Variants in MKNK2 observed in about 807,000 individuals in gnomAD.
MKNK2 encodes MAP kinase-interacting serine/threonine-protein kinase 2.
A neutral mutation model predicts 55.0 loss-of-function variants in MKNK2; 54 were observed. The ratio of observed to expected loss-of-function variants is 0.98; its 90% confidence interval spans 0.79 to 1.23. The LOEUF is 1.23. Ranked by LOEUF, MKNK2 falls within the 50% of genes most tolerant of loss-of-function variation. The pLI, the probability that MKNK2 is intolerant of heterozygous loss-of-function variation, is 0.00. For synonymous variants in MKNK2, 323 were observed against 256.0 expected (o/e 1.26, Z -2.50); for missense variants, 685 against 632.1 (o/e 1.08, Z -0.90).
chr19:2,041,831 C>A lies in MKNK2; in HGVS notation c.945+9G>T. The A allele has an allele frequency of 6.6e-7, 1 of 1,508,038 alleles. No individual in the cohort carries two copies. Among genetic ancestry groups the A allele is most frequent in the Non-Finnish European group, 8.9e-7 (1 of 1,128,544 alleles). 93.4% of individuals were successfully genotyped at this position (1,508,038 alleles called of 1,614,324 possible). A position where few individuals can be genotyped will look rare whatever the true frequency, so the allele number is the denominator to read the frequency against. On this transcript the variant is annotated intron_variant, in intron 11 of 13. Transcript: ENST00000250896. ...TGCCCAGGAGAGGAGGGTGCGCGGG[C>A]CGCCGCACCTGGCAGGCAGGGCAGG...
At chr19:2,045,466 T>A (rs924004610) in intron 5 of MKNK2, among the ~76,000 whole-genome samples, 1 of 152,108 alleles carries the variant, frequency 6.6e-6, no homozygotes, top group African/African-American at 2.4e-5. Context: ...CCCTGCCTGC[T>A]GCCACTGTGG....
chr19:2,040,184 C>T lies in MKNK2; in HGVS notation c.1111-7G>A, dbSNP rs779262800. ...AGGTGTTCTCCGGGGCGCACTGCAA[C>T]GAGAGTGGGCGGGGGCAGGGCTGGA... is the stretch of plus-strand genomic sequence containing the variant. On this transcript the variant is annotated splice_polypyrimidine_tract_variant and splice_region_variant and intron_variant, in intron 12 of 13. Transcript: ENST00000250896. 15 of 1,573,068 alleles carry T rather than the reference C, an allele frequency of 9.5e-6. No homozygotes were observed. The Admixed American group carries it at 1.2e-4, about 12-fold the overall frequency.
chr19:2,050,453 G>A (rs536157261), intron 2 of MKNK2, among the ~76,000 whole-genome samples: 37 of 152,372 alleles, frequency 2.4e-4, no homozygotes, highest in African/African-American at 8.2e-4. Flanking sequence ...CAGCGACTGG[G>A]ACAGGACTGC....
At chr19:2,047,891 C>T (rs2017032608) in intron 2 of MKNK2, among the ~76,000 whole-genome samples, 1 of 152,132 alleles carries the variant, frequency 6.6e-6, no homozygotes, top group African/African-American at 2.4e-5. Context: ...CCGCCCATGT[C>T]CCGCAGCTGC....
rs909323876 is a variant in MKNK2 at position 2,042,023 on chromosome 19, C to T, written c.762G>A (p.Ala254=). The change falls in exon 11 of 14, where the codon GCG becomes GCA. Residue 254 remains alanine (A), a synonymous_variant. Coordinates refer to ENST00000250896, the MANE Select transcript of MKNK2 (RefSeq NM_199054.3). ...CCACTACCTCCGGGGCCATGTACTC[C>T]GCCGAGCCGCACTGCGGGCGGGGGA... The part of the protein sequence containing the change: ...TPELLTPCGS[A]EYMAPEVVEA... The T allele has an allele frequency of 6.6e-7, 1 of 1,503,804 alleles. No homozygotes were observed. The highest frequency in any genetic ancestry group is 8.9e-7 in the Non-Finnish European group (1 of 1,126,564). 93.2% of individuals were successfully genotyped at this position (1,503,804 alleles called of 1,614,324 possible).
Position 2,041,897 on chromosome 19 carries a change from C to T in MKNK2, c.888G>A (p.Val296=), listed in dbSNP as rs2145686007. 4.5e-6 allele frequency: 7 copies of T among 1,544,916 alleles called. No individual in the cohort carries two copies. In the South Asian group the frequency reaches 8.3e-5, roughly 18 times the overall value. ...YILLSGYPPF[V]GRCGSDCGWD... Reference sequence around the variant, plus strand: ...AGCCGCAGTCGCTGCCACAGCGGCCCACGAAGGGCGGGTAGCCGCTGAGTA... The same window carrying T: ...AGCCGCAGTCGCTGCCACAGCGGCCTACGAAGGGCGGGTAGCCGCTGAGTA... Residue 296 remains valine (V), a synonymous_variant, in exon 11 of 14, where the codon GTG becomes GTA. Coordinates refer to ENST00000250896, the MANE Select transcript of MKNK2 (RefSeq NM_199054.3).
intron 2 of MKNK2, among the ~76,000 whole-genome samples, chr19:2,050,108 C>T (rs1270051737): frequency 6.6e-6 from 1 of 152,180 alleles, no homozygotes; most frequent in South Asian, 2.1e-4. Flanking sequence ...CTGCCCAGCA[C>T]CTGCCCTCCC....
At chr19:2,044,936 G>C (rs768208730) in intron 5 of MKNK2, among the ~76,000 whole-genome samples, 1 of 152,148 alleles carries the variant, frequency 6.6e-6, no homozygotes, top group Non-Finnish European at 1.5e-5. Context: ...ACGGCACCAG[G>C]TGACCCCAGG....
At position 2,042,027 on chromosome 19, in the gene MKNK2, G is replaced by C; in HGVS notation, c.758C>G (p.Ser253Trp). The change falls in exon 11 of 14, where the codon TCG (serine) becomes TGG (tryptophan). Residue 253 changes from serine to tryptophan, a missense_variant. Physicochemically the swap from Ser to Trp is radical, Grantham distance 177 (BLOSUM62 -3). Coordinates refer to ENST00000250896, the MANE Select transcript of MKNK2 (RefSeq NM_199054.3). ...TACCTCCGGGGCCATGTACTCCGCC[G>C]AGCCGCACTGCGGGCGGGGGAGGGG... ...STPELLTPCG[S>W]AEYMAPEVVE... 1 of 1,496,932 alleles carries C rather than the reference G, an allele frequency of 6.7e-7. No individual in the cohort carries two copies. Among genetic ancestry groups the C allele is most frequent in the Non-Finnish European group, 8.9e-7 (1 of 1,122,946 alleles). 92.7% of individuals were successfully genotyped at this position (1,496,932 alleles called of 1,614,324 possible).
In MKNK2 at chr19:2,042,473, A is replaced by C; in HGVS notation, c.704T>G (p.Leu235Arg). 3 of 1,595,766 alleles carry C rather than the reference A, an allele frequency of 1.9e-6. No individual in the cohort carries two copies. Among genetic ancestry groups the C allele is most frequent in the Non-Finnish European group, 2.6e-6 (3 of 1,172,742 alleles). Residue 235 changes from leucine to arginine, a missense_variant, in exon 10 of 14, where the codon CTC (leucine) becomes CGC (arginine). By Grantham distance (102) the Leu-to-Arg change is moderately radical. Coordinates refer to ENST00000250896, the MANE Select transcript of MKNK2 (RefSeq NM_199054.3). Reference protein sequence around the residue: ...CDFDLGSGIKLNGDCSPISTP... With the variant: ...CDFDLGSGIKRNGDCSPISTP... ...GGAGATAGGGGAGCAGTCCCCGTTG[A>C]GTTTGATGCCGCTGCCCAGGTCGAA...
chr19:2,041,915 G>A lies in MKNK2; in HGVS notation c.870C>T (p.Ser290=), dbSNP rs1255291276. 1 of 1,548,164 alleles carries A rather than the reference G, an allele frequency of 6.5e-7. No individual in the cohort carries two copies. Among genetic ancestry groups the A allele is most frequent in the South Asian group, 1.2e-5 (1 of 84,034 alleles). ...AGCGGCCCACGAAGGGCGGGTAGCC[G>A]CTGAGTAGGATATACAAGATGACGC... The part of the protein sequence containing the change: ...SLGVILYILL[S]GYPPFVGRCG... The change falls in exon 11 of 14, where the codon AGC becomes AGT. Residue 290 remains serine (S), a synonymous_variant. Transcript: ENST00000250896.
At position 2,046,153 on chromosome 19, in the gene MKNK2, C is replaced by T. The variant is rs144449256; in HGVS notation, c.339+33G>A. The T allele has an allele frequency of 5.8e-4, 924 of 1,594,066 alleles. 3 individuals carry two copies. The African/African-American group carries it at 0.011, about 19-fold the overall frequency. On this transcript the variant is annotated intron_variant, in intron 5 of 13. Transcript: ENST00000250896. ...CCCCCGCTCAACACCGATCCCAAGG[C>T]GCTGGGTTCCCCAGGGCGCGGCGCG...
rs2145688731 is a variant in MKNK2, at chr19:2,043,593, CG to C, written c.340-12del. On this transcript the variant is annotated splice_polypyrimidine_tract_variant and intron_variant, in intron 5 of 13. Coordinates refer to ENST00000250896, the MANE Select transcript of MKNK2 (RefSeq NM_199054.3). ...CTGCTTCTCAATGATCTGAAACAGG[CG>C]AAAGGACACAGCACCTGGGTTGGTG... The C allele has an allele frequency of 1.2e-6, 2 of 1,613,470 alleles. No homozygotes were observed. The highest frequency in any genetic ancestry group is 1.7e-6 in the Non-Finnish European group (2 of 1,179,630).
Position 2,038,904 on chromosome 19 carries a change from C to T in MKNK2, c.*709G>A, listed in dbSNP as rs1038484621. ...GTCAGCTGCAGTTTAAGGTCAAGGTCGGAGGCCGAATCTGGCCACCAGGAG... is the reference window on the plus strand; with the variant it reads ...GTCAGCTGCAGTTTAAGGTCAAGGTTGGAGGCCGAATCTGGCCACCAGGAG... On this transcript the variant is annotated 3_prime_UTR_variant, in exon 14 of 14. Transcript: ENST00000250896. 18 of 985,324 alleles carry T rather than the reference C, an allele frequency of 1.8e-5. No homozygotes were observed. The highest frequency in any genetic ancestry group is 1.7e-4 in the African/African-American group (10 of 57,166). 61.0% of individuals were successfully genotyped at this position (985,324 alleles called of 1,614,324 possible).
Position 2,038,655 on chromosome 19 carries a change from C to G in MKNK2, c.*958G>C, listed in dbSNP as rs1175826477. 1 of 985,584 alleles carries G rather than the reference C, an allele frequency of 1.0e-6. No homozygotes were observed. Among genetic ancestry groups the G allele is most frequent in the African/African-American group, 1.7e-5 (1 of 57,194 alleles). 61.1% of individuals were successfully genotyped at this position (985,584 alleles called of 1,614,324 possible). On this transcript the variant is annotated 3_prime_UTR_variant, in exon 14 of 14. Transcript: ENST00000250896. ...GACGGAGCTGACGGAGCTTCCAGGTCAGGCCCGAGGGGCGGCGCGAGGCAG... is the reference window on the plus strand; with the variant it reads ...GACGGAGCTGACGGAGCTTCCAGGTGAGGCCCGAGGGGCGGCGCGAGGCAG...
At position 2,037,846 on chromosome 19, in the gene MKNK2, AAAAAC is replaced by A. The variant is rs754191916; in HGVS notation, c.*1762_*1766del. 34 of 1,575,200 alleles carry A rather than the reference AAAAAC, an allele frequency of 2.2e-5. No individual in the cohort carries two copies. Among genetic ancestry groups the A allele is most frequent in the Middle Eastern group, 3.6e-4 (2 of 5,614 alleles). ...CTGTCCCACCTTCAGAAAAAAAAAA[AAAAAC>A]AAACAAACAAACGCTGCTAGCCACT... On this transcript the variant is annotated 3_prime_UTR_variant, in exon 14 of 14. Coordinates refer to ENST00000250896, the MANE Select transcript of MKNK2 (RefSeq NM_199054.3).
rs962167527 is a variant in MKNK2, at chr19:2,037,570, C to G, written c.*2043G>C. 2.8e-5 allele frequency: 13 copies of G among 465,680 alleles called. No homozygotes were observed. The East Asian group carries it at 4.4e-4, about 16-fold the overall frequency. The allele number at this position is 465,680 out of a possible 1,614,324, so 28.8% of individuals were successfully genotyped here. A position where few individuals can be genotyped will look rare whatever the true frequency, so the allele number is the denominator to read the frequency against. On this transcript the variant is annotated 3_prime_UTR_variant, in exon 14 of 14. Coordinates refer to ENST00000250896, the MANE Select transcript of MKNK2 (RefSeq NM_199054.3). ...AAAACTTCTGAGCTCCGTCAGTTCA[C>G]CTGGTACATTGGAATTAAAGTGCTT... is the stretch of plus-strand genomic sequence containing the variant.
Position 2,050,963 on chromosome 19 carries a change from G to A in MKNK2, c.-96-16C>T, listed in dbSNP as rs551502050. The A allele has an allele frequency of 1.5e-5, 10 of 648,288 alleles. No individual in the cohort carries two copies. In the South Asian group the frequency reaches 2.4e-4, roughly 16 times the overall value. 40.2% of individuals were successfully genotyped at this position (648,288 alleles called of 1,614,324 possible). A position where few individuals can be genotyped will look rare whatever the true frequency, so the allele number is the denominator to read the frequency against. On this transcript the variant is annotated splice_polypyrimidine_tract_variant and intron_variant, in intron 1 of 13. Coordinates refer to ENST00000250896, the MANE Select transcript of MKNK2 (RefSeq NM_199054.3). ...GGAGGGGACCCTGCGGGCGGGAGCA[G>A]ACAAAGGGAGGGCGGTGAGCGGAGC...
rs1322332995 is a variant in MKNK2 at position 2,038,181 on chromosome 19, CA to C, written c.*1431del. On this transcript the variant is annotated 3_prime_UTR_variant, in exon 14 of 14. Coordinates refer to ENST00000250896, the MANE Select transcript of MKNK2 (RefSeq NM_199054.3). Reference sequence around the variant, plus strand: ...CCAGGCAGACGGTCTCCGAGGCCCCCACCCCCAGGCCCCCCGACATTCAAGT... The same window carrying C: ...CCAGGCAGACGGTCTCCGAGGCCCCCCCCCCAGGCCCCCCGACATTCAAGT... 9.8e-7 allele frequency: 1 copy of C among 1,020,112 alleles called. No homozygotes were observed. The highest frequency in any genetic ancestry group is 1.2e-6 in the Non-Finnish European group (1 of 853,814). The allele number at this position is 1,020,112 out of a possible 1,614,324, so 63.2% of individuals were successfully genotyped here.
Sources: gnomAD v4.1 joint callset for allele counts (sites outside exome capture counted in the v4.1 genomes callset) on GRCh38, gnomAD v4.1.1 for gene constraint, MANE v1.5 for transcripts, NCBI Gene and HGNC (gene_info 2026-07-23, HGNC 2026-07-21) for gene names.